The following FAM135A variants were observed in gnomAD, a reference collection of about 807,000 sequenced individuals.
FAM135A encodes protein FAM135A.
In FAM135A, 79 loss-of-function variants were observed where a neutral mutation model predicts 146.8. The ratio of observed to expected loss-of-function variants is 0.54; its 90% CI spans 0.45 to 0.65. FAM135A has a LOEUF of 0.65. FAM135A is among the 30% of genes least tolerant of loss of function. The pLI is 0.00. For missense variants in FAM135A, 1,623 were observed against 1,758.2 expected, an observed-to-expected ratio of 0.92 and a Z score of 1.38; for synonymous variants, 562 against 603.6, an observed-to-expected ratio of 0.93 and a Z score of 1.01.
chr6:70,525,603 T>G lies in FAM135A; in HGVS notation c.2519T>G (p.Ile840Arg), dbSNP rs2128355436. The G allele has an allele frequency of 6.2e-7, 1 of 1,613,568 alleles. No homozygotes were observed. The highest frequency in any genetic ancestry group is 8.5e-7 in the Non-Finnish European group (1 of 1,179,664). Residue 840 changes from isoleucine (I) to arginine (R), a missense_variant, in exon 15 of 22, where the codon ATA becomes AGA. Around this residue, in one of 7 missense-constraint regions of FAM135A, gnomAD observed 1,061 missense variants for 1,113.8 expected, o/e 0.95. Coordinates refer to ENST00000418814, the MANE Select transcript of FAM135A (RefSeq NM_001162529.3). ...GAAATACAGTCATCTTTGACATCCA[T>G]AAACTCTCTACCCTCCGATGATGAA... ...ISEIQSSLTS[I>R]NSLPSDDELS...
chr6:70,433,459 G>A (rs1285622016), intron 4 of FAM135A, among the ~76,000 whole-genome samples: 1 of 151,818 alleles, frequency 6.6e-6, no homozygotes, highest in Non-Finnish European at 1.5e-5. Flanking sequence ...GGCAAACCAG[G>A]ACATAAGGCC....
chr6:70,426,573 C>G (rs1405429648), intron 3 of FAM135A, 41 bp downstream of exon 3: 1 of 152,092 alleles, frequency 6.6e-6, no homozygotes, highest in East Asian at 1.9e-4. Context: ...TTAATAGATT[C>G]GAGTATTTGC....
intron 4 of FAM135A, 47 bp from the exon 5 acceptor site, chr6:70,452,444 TA>T (rs1777322239): frequency 1.4e-6 from 2 of 1,416,424 alleles, no homozygotes; most frequent in Non-Finnish European, 2.0e-6. Flanking sequence ...GGGCATTGCA[TA>T]TTTTTAAATA....
At chr6:70,498,071 C>G (rs1298200575) in intron 11 of FAM135A, among the ~76,000 whole-genome samples, 1 of 152,166 alleles carries the variant, frequency 6.6e-6, no homozygotes, top group Non-Finnish European at 1.5e-5. Context: ...CTTTGTACCT[C>G]TAGTAGAATT....
rs375876344 is a variant in FAM135A at position 70,482,056 on chromosome 6, A to G, written c.725A>G (p.Tyr242Cys). Residue 242 changes from tyrosine to cysteine, a missense_variant, in exon 10 of 22, where the codon TAT becomes TGT. Physicochemically the swap from Tyr to Cys is radical, Grantham distance 194. Transcript: ENST00000418814. ...SFLHHAYRFH[Y>C]TLCATLLLAF... ...CTACATCATGCGTATCGTTTTCATT[A>G]TACACTTTGTGCCACTTTGCTGCTA... The G allele has an allele frequency of 4.3e-6, 7 of 1,613,804 alleles. No individual in the cohort carries two copies. The highest frequency in any genetic ancestry group is 1.1e-5 in the South Asian group (1 of 91,076).
At chr6:70,462,735 C>T (rs1421349804) in intron 5 of FAM135A, among the ~76,000 whole-genome samples, 4 of 151,896 alleles carry the variant, frequency 2.6e-5, no homozygotes, top group African/African-American at 7.3e-5. Flanking sequence ...CATTTTTCTT[C>T]CTATATGCTA....
chr6:70,485,701 T>G (rs1036625134), intron 10 of FAM135A, among the ~76,000 whole-genome samples: 3 of 152,246 alleles, frequency 2.0e-5, no homozygotes, highest in Non-Finnish European at 1.5e-5. Flanking sequence ...AATAACGCCT[T>G]GAGTTCCTTT....
intron 5 of FAM135A, among the ~76,000 whole-genome samples, chr6:70,469,103 T>A (rs1025321310): frequency 5.3e-5 from 8 of 152,240 alleles, no homozygotes; most frequent in African/African-American, 1.7e-4. Flanking sequence ...ATGTATTCTA[T>A]CATTTACTTA....
chr6:70,465,166 T>C (rs1031306130), intron 5 of FAM135A, among the ~76,000 whole-genome samples: 1 of 152,114 alleles, frequency 6.6e-6, no homozygotes, highest in Non-Finnish European at 1.5e-5. Flanking sequence ...TCACTTAGCA[T>C]AATGTCCTTA....
intron 2 of FAM135A, among the ~76,000 whole-genome samples, chr6:70,426,160 G>T (rs1179002918): frequency 1.3e-5 from 2 of 151,488 alleles, no homozygotes; most frequent in Non-Finnish European, 2.9e-5. Context: ...ATAATGTTTT[G>T]TGTATTCATG....
At chr6:70,474,288 T>TC (rs1255323247) in intron 5 of FAM135A, among the ~76,000 whole-genome samples, 5 of 152,064 alleles carry the variant, frequency 3.3e-5, no homozygotes, top group Non-Finnish European at 7.4e-5. Context: ...TTCTTTTTTT[T>TC]CTCTAGTTTC....
At chr6:70,472,263 C>A (rs1459679043) in intron 5 of FAM135A, among the ~76,000 whole-genome samples, 2 of 152,182 alleles carry the variant, frequency 1.3e-5, no homozygotes, top group Non-Finnish European at 2.9e-5. Flanking sequence ...GTGCTCTCAA[C>A]AAAATTTACT....
At chr6:70,417,750 T>C (rs1485321722) in intron 2 of FAM135A, 4 of 377,750 alleles carry the variant, frequency 1.1e-5, no homozygotes, top group Non-Finnish European at 1.1e-5. Context: ...TCTATAAATG[T>C]CTAAGCAGCA....
intron 1 of FAM135A, among the ~76,000 whole-genome samples, chr6:70,414,522 C>G (rs548399069): frequency 4.6e-5 from 7 of 151,946 alleles, no homozygotes; most frequent in Middle Eastern, 3.4e-3. Context: ...CCCTCCCCCC[C>G]CCATTTGTAT....
chr6:70,417,563 G>T, intron 2 of FAM135A: 1 of 964,316 alleles, frequency 1.0e-6, no homozygotes, highest in Non-Finnish European at 1.2e-6. Flanking sequence ...TTTGCTACTG[G>T]TCTTAATTTA....
chr6:70,481,638 A>C (rs1025903620), intron 9 of FAM135A, among the ~76,000 whole-genome samples: 17 of 147,170 alleles, frequency 1.2e-4, no homozygotes, highest in Non-Finnish European at 2.1e-4. Flanking sequence ...ATATCTAAAA[A>C]AAAGAAAATT....
intron 12 of FAM135A, chr6:70,503,551 A>G (rs1789056578): frequency 2.0e-5 from 3 of 152,188 alleles, no homozygotes. Context: ...CAGATCAAGA[A>G]GTAGAACACT....
intron 10 of FAM135A, among the ~76,000 whole-genome samples, 190 bp from the exon 11 acceptor site, chr6:70,490,844 A>G (rs1452110104): frequency 3.3e-5 from 5 of 152,032 alleles, no homozygotes; most frequent in South Asian, 2.1e-4. Context: ...AATGATATTT[A>G]TCAGAATGTA....
At chr6:70,442,967 A>G (rs1466023607) in intron 4 of FAM135A, among the ~76,000 whole-genome samples, 2 of 152,206 alleles carry the variant, frequency 1.3e-5, no homozygotes, top group African/African-American at 4.8e-5. Context: ...TGCGGTTAAT[A>G]CTACAATATT....
Sources: allele counts gnomAD v4.1 joint callset (sites outside exome capture counted in the v4.1 genomes callset), GRCh38; gene constraint gnomAD v4.1.1; regional missense constraint gnomAD v4.1.1; transcripts MANE v1.5; gene names NCBI Gene and HGNC (gene_info 2026-07-23, HGNC 2026-07-21).